The following GNG7 variants were observed in gnomAD, a reference collection of about 807,000 sequenced individuals.
The protein encoded by GNG7 is G protein subunit gamma 7, also known as guanine nucleotide-binding protein G(I)/G(S)/G(O) subunit gamma-7.
A neutral mutation model predicts 4.0 loss-of-function variants in GNG7; 1 was observed. That is an observed-to-expected ratio of 0.25 (90% CI 0.09 to 1.18). The LOEUF (loss-of-function observed/expected upper bound fraction) is 1.18, where lower values mean the gene tolerates loss of function less well. Ranked by LOEUF, GNG7 falls within the 50% of genes most tolerant of loss-of-function variation. GNG7 has a pLI of 0.50. For synonymous variants in GNG7, 34 were observed against 36.9 expected, an observed-to-expected ratio of 0.92 and a Z score of 0.29; for missense variants, 86 against 91.9, an observed-to-expected ratio of 0.94 and a Z score of 0.26.
At chr19:2,646,602 T>G (rs1470218459) in intron 1 of GNG7, among the ~76,000 whole-genome samples, 1 of 151,984 alleles carries the variant, frequency 6.6e-6, no homozygotes, top group Non-Finnish European at 1.5e-5. Context: ...GGAGAATCCC[T>G]TGAACCCGGG....
chr19:2,582,475 G>C (rs1310404111), intron 2 of GNG7, among the ~76,000 whole-genome samples: 1 of 150,728 alleles, frequency 6.6e-6, no homozygotes, highest in Non-Finnish European at 1.5e-5. Flanking sequence ...GTTACTTTTA[G>C]CCTTTAAATG....
At position 2,644,516 on chromosome 19, in the gene GNG7, G is replaced by A. The variant is rs548958689; in HGVS notation, c.-78+1708C>T. 2.0e-5 allele frequency among the ~76,000 whole-genome samples: 3 copies of A among 151,796 alleles called. No homozygotes were observed. In the East Asian group the frequency reaches 5.8e-4, roughly 29 times the overall value. Reference sequence around the variant, plus strand: ...GAAGAAAAAAATCATAAAATAAAAAGAAAACGCACAATTCAATGGCATTTA... The same window carrying A: ...GAAGAAAAAAATCATAAAATAAAAAAAAAACGCACAATTCAATGGCATTTA... On this transcript the variant is annotated intron_variant, in intron 2 of 4. Transcript: ENST00000382159.
intron 1 of GNG7, among the ~76,000 whole-genome samples, chr19:2,672,176 C>A (rs987868076): frequency 4.1e-5 from 6 of 147,132 alleles, no homozygotes. Flanking sequence ...TAGCTGGGAC[C>A]ACAGGCACCT....
chr19:2,526,115 C>G (rs570574993), intron 3 of GNG7, among the ~76,000 whole-genome samples: 1 of 151,978 alleles, frequency 6.6e-6, no homozygotes, highest in African/African-American at 2.4e-5. Context: ...AGACTACAGG[C>G]GCCCGCCACC....
intron 2 of GNG7, among the ~76,000 whole-genome samples, chr19:2,644,513 A>G (rs1369800480): frequency 1.3e-5 from 2 of 151,920 alleles, no homozygotes; most frequent in Non-Finnish European, 2.9e-5. Flanking sequence ...CATAAAATAA[A>G]AAGAAAACGC....
At chr19:2,536,425 A>AAAAAGAAAAG (rs532486919) in intron 3 of GNG7, among the ~76,000 whole-genome samples, 2 of 152,036 alleles carry the variant, frequency 1.3e-5, no homozygotes, top group Non-Finnish European at 2.9e-5. Context: ...TCTCAAAAAA[A>AAAAAGAAAAG]AAAAGAAAAG....
chr19:2,648,925 A>G (rs933886131), intron 1 of GNG7, among the ~76,000 whole-genome samples: 2 of 150,264 alleles, frequency 1.3e-5, no homozygotes, highest in Middle Eastern at 3.2e-3. Flanking sequence ...GCCTCACTCT[A>G]TTGCCCAGGC....
intron 2 of GNG7, among the ~76,000 whole-genome samples, chr19:2,637,042 C>A (rs996924480): frequency 7.9e-5 from 12 of 151,992 alleles, no homozygotes; most frequent in Non-Finnish European, 1.5e-4. Context: ...CTGCACCCAC[C>A]TGCACACCCA....
At chr19:2,559,852 T>C (rs938595398) in intron 2 of GNG7, among the ~76,000 whole-genome samples, 4 of 152,044 alleles carry the variant, frequency 2.6e-5, no homozygotes, top group Non-Finnish European at 4.4e-5. Context: ...ATGTGAGTGT[T>C]GAATAGGGCA....
At position 2,512,172 on chromosome 19, in the gene GNG7, T is replaced by C. The variant is rs374926917; in HGVS notation, c.*2850A>G. ...GTCCCCCCAAGGCTAGAGCTGCTGC[T>C]GCCACCCCCGCCCGCCAGCTCCCCG... On this transcript the variant is annotated 3_prime_UTR_variant, in exon 5 of 5. Transcript: ENST00000382159. This position sits in a 1 kb window ranked among gnomAD's most constrained non-coding sequence, Gnocchi z 4.7. 6.8e-4 allele frequency: 668 copies of C among 985,836 alleles called. 5 individuals are homozygous for C. The African/African-American group carries it at 0.011, about 16-fold the overall frequency. The allele number at this position is 985,836 out of a possible 1,614,324, so 61.1% of individuals were successfully genotyped here.
intron 2 of GNG7, chr19:2,643,673 G>A (rs537463572): frequency 2.2e-6 from 1 of 456,156 alleles, no homozygotes; most frequent in South Asian, 1.5e-5. Flanking sequence ...CTCCTTTTTC[G>A]GGCTGAGCTT....
chr19:2,512,531 T>A lies in GNG7; in HGVS notation c.*2491A>T. Reference sequence around the variant, plus strand: ...AGCCTGTCCTTCCCCTCCCCGAGCCTCAGTTTACCTGGAACGCTCAGCCCG... The same window carrying A: ...AGCCTGTCCTTCCCCTCCCCGAGCCACAGTTTACCTGGAACGCTCAGCCCG... On this transcript the variant is annotated 3_prime_UTR_variant, in exon 5 of 5. Transcript: ENST00000382159. The surrounding 1 kb of genome is among the most constrained non-coding windows in gnomAD (Gnocchi z 4.7). 1 of 239,422 alleles carries A rather than the reference T, an allele frequency of 4.2e-6. No individual in the cohort carries two copies. The highest frequency in any genetic ancestry group is 6.8e-6 in the Non-Finnish European group (1 of 147,908). The allele number at this position is 239,422 out of a possible 1,614,324, so 14.8% of individuals were successfully genotyped here.
intron 2 of GNG7, among the ~76,000 whole-genome samples, chr19:2,562,209 G>C (rs1037785901): frequency 2.0e-5 from 3 of 152,034 alleles, no homozygotes; most frequent in African/African-American, 4.8e-5. Flanking sequence ...CGCAGCCCCG[G>C]AGCTGCCGGG....
intron 2 of GNG7, chr19:2,643,136 C>A: frequency 6.6e-6 from 3 of 454,264 alleles, no homozygotes; most frequent in Non-Finnish European, 1.3e-5. Context: ...GGGCTCTGCA[C>A]ACCTTCCCAC....
In GNG7 at chr19:2,611,003, TC is replaced by T. The variant is rs1568262227; in HGVS notation, c.-78+35220del. ...GGGGGAACGGGCTCACGTGCCAGGC[TC>T]GGGGGGGGGGAAGCGTCCTCAACAT... On this transcript the variant is annotated intron_variant, in intron 2 of 4. Transcript: ENST00000382159. The surrounding 1 kb of genome is among the most constrained non-coding windows in gnomAD (Gnocchi z 6.0). 1.4e-4 allele frequency: 2 copies of T among 13,810 alleles called. No individual in the cohort carries two copies. Among genetic ancestry groups the T allele is most frequent in the African/African-American group, 3.7e-4 (1 of 2,672 alleles). The allele number at this position is 13,810 out of a possible 1,614,324, so 0.9% of individuals were successfully genotyped here.
At chr19:2,571,815 C>T (rs994810457) in intron 2 of GNG7, among the ~76,000 whole-genome samples, 1 of 151,234 alleles carries the variant, frequency 6.6e-6, no homozygotes, top group Non-Finnish European at 1.5e-5. Flanking sequence ...AGGCTGGTCT[C>T]GAACTCCTGA....
At chr19:2,523,461 G>A (rs1978320553) in intron 3 of GNG7, among the ~76,000 whole-genome samples, 2 of 151,998 alleles carry the variant, frequency 1.3e-5, no homozygotes, top group Non-Finnish European at 2.9e-5. Context: ...GCTGAGGTGG[G>A]AGGATCACTT....
intron 1 of GNG7, among the ~76,000 whole-genome samples, chr19:2,668,211 A>G (rs1223054888): frequency 7.4e-6 from 1 of 134,648 alleles, no homozygotes; most frequent in African/African-American, 2.9e-5. Flanking sequence ...TCTAAAATGA[A>G]AAGTTTATCA....
intron 2 of GNG7, among the ~76,000 whole-genome samples, chr19:2,605,209 G>GT (rs1292553966): frequency 4.0e-5 from 6 of 151,820 alleles, no homozygotes; most frequent in African/African-American, 1.5e-4. Context: ...TTTTTTGTTT[G>GT]TTTTTTGAGA....
Sources: allele counts gnomAD v4.1 joint callset (sites outside exome capture counted in the v4.1 genomes callset), GRCh38; gene constraint gnomAD v4.1.1; non-coding constraint Gnocchi (gnomAD v3.1); transcripts MANE v1.5; gene names NCBI Gene and HGNC (gene_info 2026-07-23, HGNC 2026-07-21).